Variants in CUBN observed in about 807,000 individuals in gnomAD.
CUBN encodes 460 kDa receptor.
In CUBN, 282 loss-of-function variants were observed where a neutral mutation model predicts 405.3. The observed-to-expected ratio is 0.70, with a 90% confidence interval of 0.63 to 0.77. The LOEUF (loss-of-function observed/expected upper bound fraction) is 0.77. Ranked by LOEUF, CUBN falls within the 30% of genes least tolerant of loss-of-function variation. The pLI is 0.00. For missense variants in CUBN, 4,514 were observed against 4,475.2 expected (o/e 1.01, Z -0.25); for synonymous variants, 1,684 against 1,617.0 (o/e 1.04, Z -0.99).
chr10:16,950,910 T>C (rs967621699), intron 33 of CUBN, among the ~76,000 whole-genome samples: 2 of 152,198 alleles, frequency 1.3e-5, no homozygotes, highest in African/African-American at 4.8e-5. Flanking sequence ...GGCATTCTTT[T>C]CTCCCTGGAG....
chr10:16,874,331 T>C lies in CUBN; in HGVS notation c.9236+43A>G, dbSNP rs369038785. Reference sequence around the variant, plus strand: ...AAACGAATGGCTCTTCTATAAATAATGCTGAAAGGATTTTCTTAAGAAAGC... The same window carrying C: ...AAACGAATGGCTCTTCTATAAATAACGCTGAAAGGATTTTCTTAAGAAAGC... On this transcript the variant is annotated intron_variant, in intron 58 of 66. Coordinates refer to ENST00000377833, the MANE Select transcript of CUBN (RefSeq NM_001081.4). The C allele has an allele frequency of 4.4e-6, 7 of 1,608,012 alleles. No homozygotes were observed. In the African/African-American group the frequency reaches 8.0e-5, roughly 18 times the overall value.
rs996676872 is a variant in CUBN at position 16,937,527 on chromosome 10, A to G, written c.5926+65T>C. The G allele has an allele frequency of 5.1e-6, 7 of 1,374,882 alleles. No homozygotes were observed. In the African/African-American group the frequency reaches 5.7e-5, roughly 11 times the overall value. The allele number at this position is 1,374,882 out of a possible 1,614,324, so 85.2% of individuals were successfully genotyped here. On this transcript the variant is annotated intron_variant, in intron 39 of 66. Transcript: ENST00000377833. ...TATATCTGACCCCTGTTATGATAGG[A>G]TCCTTTGAAACATTGGCCTGCACAT...
chr10:16,842,390 A>G (rs1304375433), intron 60 of CUBN, among the ~76,000 whole-genome samples: 1 of 152,140 alleles, frequency 6.6e-6, no homozygotes, highest in East Asian at 1.9e-4. Flanking sequence ...CTCAATAAAT[A>G]TCTAATAAAT....
Position 16,831,331 on chromosome 10 carries a change from A to C in CUBN, c.10449T>G (p.Asn3483Lys). 1 of 1,614,002 alleles carries C rather than the reference A, an allele frequency of 6.2e-7. No individual in the cohort carries two copies. Among genetic ancestry groups the C allele is most frequent in the African/African-American group, 1.3e-5 (1 of 75,064 alleles). ...LLPNPVFSQN[N>K]ELYLRFKSDS... ...CACTCTTAAATCGTAGGTATAGTTC[A>C]TTATTTTGAGAGAAGACAGGGTTTG... The change falls in exon 65 of 67, where the codon AAT becomes AAG. Residue 3483 changes from asparagine to lysine, a missense_variant. Asn to Lys is a moderately conservative substitution (Grantham distance 94). Around this residue, in one of 5 missense-constraint regions of CUBN, gnomAD observed 1,186 missense variants for 1,186.9 expected, o/e 1.00. Transcript: ENST00000377833.
At chr10:17,090,699 C>CTTA (rs1257597725) in intron 14 of CUBN, among the ~76,000 whole-genome samples, 7 of 151,310 alleles carry the variant, frequency 4.6e-5, no homozygotes, top group Non-Finnish European at 1.0e-4. Flanking sequence ...GTTATCATAC[C>CTTA]ATTAGTAATA....
chr10:16,914,219 G>A (rs186116241), intron 47 of CUBN, among the ~76,000 whole-genome samples: 1 of 152,152 alleles, frequency 6.6e-6, no homozygotes, highest in African/African-American at 2.4e-5. Context: ...CAGCAATTTA[G>A]TTATCATCAT....
chr10:16,979,510 CAG>C (rs1004609857), intron 31 of CUBN, among the ~76,000 whole-genome samples: 21 of 152,230 alleles, frequency 1.4e-4, no homozygotes, highest in South Asian at 1.0e-3. Context: ...ACCAATGGAA[CAG>C]AAGAAAGGCC....
chr10:17,115,543 G>A lies in CUBN; in HGVS notation c.648C>T (p.Asp216=), dbSNP rs749012128. The A allele has an allele frequency of 3.1e-6, 5 of 1,614,172 alleles. No individual in the cohort carries two copies. The highest frequency in any genetic ancestry group is 3.4e-6 in the Non-Finnish European group (4 of 1,180,032). ...AGCGTGCCACAGAACCCCCTTCACA[G>A]TCGTCATATTTGGATGCACACTGGG... ...YGPQCASKYD[D]CEGGSVARCV... The change falls in exon 7 of 67, where the codon GAC becomes GAT. Residue 216 remains aspartate (D), a synonymous_variant. Transcript: ENST00000377833.
intron 43 of CUBN, among the ~76,000 whole-genome samples, chr10:16,925,009 G>A (rs1005538325): frequency 1.1e-4 from 17 of 152,228 alleles, no homozygotes; most frequent in African/African-American, 4.1e-4. Context: ...AATTAGGTAT[G>A]TGGCCTTGGA....
At chr10:16,923,346 G>A (rs1273818774) in intron 43 of CUBN, among the ~76,000 whole-genome samples, 2 of 152,108 alleles carry the variant, frequency 1.3e-5, no homozygotes, top group African/African-American at 4.8e-5. Context: ...AGTGTCTCTG[G>A]AGAAAAATGG....
At chr10:17,115,917 A>C (rs910639405) in intron 6 of CUBN, among the ~76,000 whole-genome samples, 10 of 152,214 alleles carry the variant, frequency 6.6e-5, no homozygotes, top group African/African-American at 9.6e-5. Context: ...TAATGGAGTT[A>C]GTTCAAGAAG....
chr10:16,848,568 G>C (rs1381909053), intron 60 of CUBN, among the ~76,000 whole-genome samples: 1 of 151,980 alleles, frequency 6.6e-6, no homozygotes, highest in Non-Finnish European at 1.5e-5. Flanking sequence ...CAGCAAAATT[G>C]GGTTAGAGTC....
chr10:17,011,762 G>A (rs1262641341), intron 28 of CUBN, among the ~76,000 whole-genome samples: 21 of 152,154 alleles, frequency 1.4e-4, no homozygotes, highest in Admixed American at 1.4e-3. Context: ...CAAACCTTTA[G>A]TTAGACACAG....
chr10:17,001,948 C>A (rs938901174), intron 28 of CUBN, among the ~76,000 whole-genome samples: 5 of 152,290 alleles, frequency 3.3e-5, no homozygotes, highest in African/African-American at 1.2e-4. Context: ...TCTACTAACT[C>A]TTATAAGTGG....
At chr10:16,874,094 T>G (rs1840433895) in intron 58 of CUBN, among the ~76,000 whole-genome samples, 1 of 152,228 alleles carries the variant, frequency 6.6e-6, no homozygotes, top group African/African-American at 2.4e-5. Flanking sequence ...TATTATACCT[T>G]GACAATCCAT....
At chr10:16,877,293 C>T (rs1226287334) in intron 56 of CUBN, among the ~76,000 whole-genome samples, 196 bp from the exon 57 acceptor site, 5 of 152,166 alleles carry the variant, frequency 3.3e-5, no homozygotes, top group African/African-American at 1.2e-4. Flanking sequence ...TATGATAAAA[C>T]AGGTAGGACT....
chr10:16,871,618 G>C (rs1840356951), intron 58 of CUBN, among the ~76,000 whole-genome samples: 1 of 152,028 alleles, frequency 6.6e-6, no homozygotes. Context: ...AAGAACAATA[G>C]CTAGATAATT....
chr10:16,864,520 T>C (rs942131563), intron 59 of CUBN, among the ~76,000 whole-genome samples: 1 of 152,188 alleles, frequency 6.6e-6, no homozygotes, highest in African/African-American at 2.4e-5. Context: ...AGTTGTAATA[T>C]TTCAAATTGA....
At chr10:16,843,716 G>A (rs1021523180) in intron 60 of CUBN, among the ~76,000 whole-genome samples, 7 of 152,254 alleles carry the variant, frequency 4.6e-5, no homozygotes, top group African/African-American at 1.7e-4. Context: ...GGCATACAAG[G>A]ACATGTAAAG....
Sources: gnomAD v4.1 joint callset for allele counts (sites outside exome capture counted in the v4.1 genomes callset) on GRCh38, gnomAD v4.1.1 for gene constraint, gnomAD v4.1.1 regional missense constraint, MANE v1.5 for transcripts, NCBI Gene and HGNC (gene_info 2026-07-23, HGNC 2026-07-21) for gene names.